The following ALDH4A1 variants were observed in gnomAD, a reference collection of about 807,000 sequenced individuals.
ALDH4A1 encodes aldehyde dehydrogenase 4 family member A1.
Under a neutral mutation model 70.5 loss-of-function variants are expected in ALDH4A1, and 46 were observed. The ratio of observed to expected loss-of-function variants is 0.65; its 90% CI spans 0.51 to 0.83. The LOEUF is 0.83. Ranked by LOEUF, ALDH4A1 falls within the 40% of genes least tolerant of loss-of-function variation. The probability of loss-of-function intolerance (pLI) is 0.00; values close to 1 mark genes in which losing one functional copy is unlikely to be tolerated. For missense variants in ALDH4A1, 749 were observed against 766.5 expected (o/e 0.98, Z 0.27); for synonymous variants, 323 against 324.3 (o/e 1.00, Z 0.04).
intron 1 of ALDH4A1, among the ~76,000 whole-genome samples, chr1:18,901,999 A>G (rs1260081053): frequency 6.7e-6 from 1 of 149,668 alleles, no homozygotes; most frequent in Non-Finnish European, 1.5e-5. Context: ...AAATCCTGGT[A>G]GAAGGAGAGG....
intron 1 of ALDH4A1, among the ~76,000 whole-genome samples, chr1:18,895,276 A>G (rs1320827919): frequency 1.3e-5 from 2 of 152,236 alleles, no homozygotes; most frequent in African/African-American, 4.8e-5. Flanking sequence ...GAAAATCTGC[A>G]GTGCCCTTTC....
chr1:18,881,618 CA>C, intron 8 of ALDH4A1, 81 bp downstream of exon 8: 6 of 1,510,340 alleles, frequency 4.0e-6, no homozygotes, highest in Non-Finnish European at 5.5e-6. Context: ...CCTGGGTTCA[CA>C]GCCCCATCCC....
In ALDH4A1 at chr1:18,876,353, C is replaced by A. The variant is rs761669593; in HGVS notation, c.1300G>T (p.Val434Leu). Residue 434 changes from valine to leucine, a missense_variant, in exon 12 of 15, where the codon GTG becomes TTG. Coordinates refer to ENST00000375341, the MANE Select transcript of ALDH4A1 (RefSeq NM_003748.4). ...SVGYFVEPCIVESKDPQEPIM... is the reference protein window; with the variant it reads ...SVGYFVEPCILESKDPQEPIM... Reference sequence around the variant, plus strand: ...GGCTCCTGAGGGTCCTTGCTCTCCACGATGCAGGGCTCCACAAAGTAGCCC... The same window carrying A: ...GGCTCCTGAGGGTCCTTGCTCTCCAAGATGCAGGGCTCCACAAAGTAGCCC... The A allele has an allele frequency of 9.3e-6, 15 of 1,613,830 alleles. No individual in the cohort carries two copies. The highest frequency in any genetic ancestry group is 1.6e-4 in the Middle Eastern group (1 of 6,076).
rs765070945 is a variant in ALDH4A1 at position 18,883,111 on chromosome 1, G to A, written c.678+13C>T. 1.9e-6 allele frequency: 3 copies of A among 1,613,130 alleles called. No homozygotes were observed. The highest frequency in any genetic ancestry group is 2.2e-5 in the East Asian group (1 of 44,876). ...AACCAGCTGCCGCTGTCCCACCTGT[G>A]CCCACATCTCACCATCAGGGCCGGT... On this transcript the variant is annotated intron_variant, in intron 7 of 14. Transcript: ENST00000375341.
chr1:18,886,132 A>G (rs1200824778), intron 4 of ALDH4A1, among the ~76,000 whole-genome samples: 4 of 151,942 alleles, frequency 2.6e-5, no homozygotes, highest in South Asian at 2.1e-4. Context: ...CTTTCCATCA[A>G]TGGTGTCTCC....
intron 13 of ALDH4A1, among the ~76,000 whole-genome samples, 160 bp from the exon 14 acceptor site, chr1:18,874,741 C>T (rs1934598379): frequency 6.6e-6 from 1 of 152,194 alleles, no homozygotes; most frequent in South Asian, 2.1e-4. Flanking sequence ...TGTGGGCCTT[C>T]GGTCAGGTTA....
intron 5 of ALDH4A1, 48 bp from the exon 6 acceptor site, chr1:18,883,476 C>A: frequency 6.2e-7 from 1 of 1,610,698 alleles, no homozygotes; most frequent in South Asian, 1.1e-5. Context: ...AGCCTCCTGT[C>A]CATCCTCTTC....
intron 4 of ALDH4A1, 120 bp from the exon 5 acceptor site, chr1:18,885,748 C>A: frequency 7.1e-7 from 1 of 1,403,208 alleles, no homozygotes; most frequent in Non-Finnish European, 9.7e-7. Flanking sequence ...TGCCTGTCTC[C>A]CTGGGCCCTC....
intron 12 of ALDH4A1, 113 bp downstream of exon 12, chr1:18,876,202 T>C: frequency 1.4e-6 from 2 of 1,410,314 alleles, no homozygotes; most frequent in South Asian, 2.5e-5. Context: ...TTTTAGGGTC[T>C]CCCTTTAGGG....
chr1:18,901,930 GAAAAAA>G (rs77510825), intron 1 of ALDH4A1, among the ~76,000 whole-genome samples: 2 of 99,056 alleles, frequency 2.0e-5, no homozygotes, highest in Admixed American at 2.3e-4. Context: ...CATTTAACTT[GAAAAAA>G]AAAAAAAAAA....
intron 1 of ALDH4A1, among the ~76,000 whole-genome samples, chr1:18,892,129 G>A (rs1033820160): frequency 6.6e-6 from 1 of 152,128 alleles, no homozygotes; most frequent in African/African-American, 2.4e-5. Flanking sequence ...GATTGTTTTT[G>A]CCCTATGGGA....
rs558060882 is a variant in ALDH4A1, at chr1:18,898,312, A to T, written c.62+4150T>A. Among the ~76,000 whole-genome samples, 3 of 152,120 alleles carry T rather than the reference A, an allele frequency of 2.0e-5. No individual in the cohort carries two copies. Among genetic ancestry groups the T allele is most frequent in the African/African-American group, 4.8e-5 (2 of 41,398 alleles). ...ACTCCAGCCTGGACAACAGAGTGAG[A>T]CTCTGTCTCCAAAACAAACAAACAA... On this transcript the variant is annotated intron_variant, in intron 1 of 14. Transcript: ENST00000375341. This position sits in a 1 kb window ranked among gnomAD's most constrained non-coding sequence, Gnocchi z 4.3.
At position 18,874,444 on chromosome 1, in the gene ALDH4A1, G is replaced by C. The variant is rs1192210278; in HGVS notation, c.1579+19C>G. 1.9e-6 allele frequency: 3 copies of C among 1,609,558 alleles called. No individual in the cohort carries two copies. The highest frequency in any genetic ancestry group is 2.5e-6 in the Non-Finnish European group (3 of 1,176,520). ...CCACCAGGAACTCAGCTCCCCTGTGGGAAGGGGGACCCACTCACCAGAGGC... is the reference window on the plus strand; with the variant it reads ...CCACCAGGAACTCAGCTCCCCTGTGCGAAGGGGGACCCACTCACCAGAGGC... On this transcript the variant is annotated intron_variant, in intron 14 of 14. Transcript: ENST00000375341.
chr1:18,893,462 G>A (rs1935510880), intron 1 of ALDH4A1, among the ~76,000 whole-genome samples: 1 of 152,028 alleles, frequency 6.6e-6, no homozygotes, highest in Non-Finnish European at 1.5e-5. Flanking sequence ...TCATGATCCT[G>A]GAAAGCGTCA....
In ALDH4A1 at chr1:18,879,172, T is replaced by C. The variant is rs1569737141; in HGVS notation, c.940+128A>G. On this transcript the variant is annotated intron_variant, in intron 9 of 14. Coordinates refer to ENST00000375341, the MANE Select transcript of ALDH4A1 (RefSeq NM_003748.4). Reference sequence around the variant, plus strand: ...CATCACAAAAAGTTCTACTGGGCAGTGCTGGTGCCTGAAATGGTTCATCCA... The same window carrying C: ...CATCACAAAAAGTTCTACTGGGCAGCGCTGGTGCCTGAAATGGTTCATCCA... The C allele has an allele frequency of 1.0e-5, 9 of 901,580 alleles. No homozygotes were observed. The East Asian group carries it at 2.4e-4, about 24-fold the overall frequency. 55.8% of individuals were successfully genotyped at this position (901,580 alleles called of 1,614,324 possible). A position where few individuals can be genotyped will look rare whatever the true frequency, so the allele number is the denominator to read the frequency against.
chr1:18,888,382 C>T (rs939296718), intron 3 of ALDH4A1, among the ~76,000 whole-genome samples: 1 of 152,202 alleles, frequency 6.6e-6, no homozygotes, highest in Admixed American at 6.5e-5. Flanking sequence ...TAGATCCTGC[C>T]CTCACATGCC....
At chr1:18,889,297 G>T in intron 3 of ALDH4A1, 65 bp downstream of exon 3, 1 of 1,402,602 alleles carries the variant, frequency 7.1e-7, no homozygotes, top group Non-Finnish European at 9.9e-7. Flanking sequence ...AAGCTTACGA[G>T]CTGTCAGAGA....
intron 1 of ALDH4A1, 39 bp from the exon 2 acceptor site, chr1:18,890,144 G>T (rs371619329): frequency 4.5e-6 from 7 of 1,542,396 alleles, no homozygotes; most frequent in Non-Finnish European, 5.3e-6. Flanking sequence ...AGAGAGGTCA[G>T]CAGCGGCCCC....
chr1:18,890,951 A>C, intron 1 of ALDH4A1: 1 of 958,610 alleles, frequency 1.0e-6, no homozygotes, highest in Non-Finnish European at 1.2e-6. Flanking sequence ...GAACTTGGAG[A>C]GCTGCCCTGA....
Sources: gnomAD v4.1 joint callset for allele counts (sites outside exome capture counted in the v4.1 genomes callset) on GRCh38, gnomAD v4.1.1 for gene constraint, Gnocchi (gnomAD v3.1) non-coding constraint, MANE v1.5 for transcripts, NCBI Gene and HGNC (gene_info 2026-07-23, HGNC 2026-07-21) for gene names.